The following GTF2E2 variants were observed in gnomAD, a reference collection of about 807,000 sequenced individuals.
GTF2E2 encodes general transcription factor IIE subunit 2, also known as transcription initiation factor IIE subunit beta.
Under a neutral mutation model 40.5 loss-of-function variants are expected in GTF2E2, and 21 were observed. The observed-to-expected ratio is 0.52, with a 90% confidence interval of 0.37 to 0.75. GTF2E2 has a LOEUF of 0.75. Among genes scored for constraint, GTF2E2 ranks in the 30% least tolerant of loss-of-function variants. The pLI is 0.00. For missense variants in GTF2E2, 298 were observed against 338.4 expected (o/e 0.88, Z 0.94); for synonymous variants, 117 against 121.6 (o/e 0.96, Z 0.25).
chr8:30,646,780 G>A (rs1802092489), intron 2 of GTF2E2, among the ~76,000 whole-genome samples: 1 of 152,104 alleles, frequency 6.6e-6, no homozygotes, highest in South Asian at 2.1e-4. Context: ...AGGAGCTCAA[G>A]ACGAGCCTGG....
chr8:30,643,230 TCACCATTGGGAGATATATATTGAA>T (rs1474627592), intron 2 of GTF2E2, among the ~76,000 whole-genome samples: 1 of 152,210 alleles, frequency 6.6e-6, no homozygotes, highest in African/African-American at 2.4e-5. Flanking sequence ...AATAGAGTCC[TCACCATTGGGAGATATATATTGAA>T]ATATTTCTAG....
At chr8:30,584,095 C>T (rs1238734813) in intron 6 of GTF2E2, among the ~76,000 whole-genome samples, 2 of 152,112 alleles carry the variant, frequency 1.3e-5, no homozygotes, top group Non-Finnish European at 2.9e-5. Context: ...CGTGAGCCAC[C>T]GTGCCCAGCC....
In GTF2E2 at chr8:30,619,358, T is replaced by C. The variant is rs894722322; in HGVS notation, c.259-4643A>G. Among the ~76,000 whole-genome samples the C allele has an allele frequency of 1.2e-4, 19 of 152,058 alleles. No individual in the cohort carries two copies. In the East Asian group the frequency reaches 3.5e-3, roughly 28 times the overall value. ...AAAATTGTCAGTAATTTAAAAATTATAATCCATTTTGATATATTTTGCATA... is the reference window on the plus strand; with the variant it reads ...AAAATTGTCAGTAATTTAAAAATTACAATCCATTTTGATATATTTTGCATA... On this transcript the variant is annotated intron_variant, in intron 3 of 7. Coordinates refer to ENST00000355904, the MANE Select transcript of GTF2E2 (RefSeq NM_002095.6).
At chr8:30,634,896 A>G in intron 3 of GTF2E2, 136 bp downstream of exon 3, 1 of 594,858 alleles carries the variant, frequency 1.7e-6, no homozygotes, top group Non-Finnish European at 3.0e-6. Context: ...ATTGGCATAC[A>G]ATAAACTGCA....
At chr8:30,588,356 A>G (rs1386196311) in intron 6 of GTF2E2, among the ~76,000 whole-genome samples, 1 of 152,222 alleles carries the variant, frequency 6.6e-6, no homozygotes, top group Non-Finnish European at 1.5e-5. Context: ...TAACAAAAAT[A>G]TAATATATAT....
chr8:30,581,233 C>G (rs1828507890), intron 6 of GTF2E2, among the ~76,000 whole-genome samples: 1 of 152,216 alleles, frequency 6.6e-6, no homozygotes, highest in Admixed American at 6.5e-5. Context: ...GAGCCTCACA[C>G]TCACAACTGC....
At chr8:30,646,883 G>A (rs2128728783) in intron 2 of GTF2E2, among the ~76,000 whole-genome samples, 1 of 148,094 alleles carries the variant, frequency 6.8e-6, no homozygotes, top group Middle Eastern at 3.6e-3. Context: ...GGGAGGCTGA[G>A]GCAGGAGAAC....
intron 6 of GTF2E2, among the ~76,000 whole-genome samples, chr8:30,591,445 C>T (rs1033718389): frequency 6.6e-6 from 1 of 152,078 alleles, no homozygotes; most frequent in African/African-American, 2.4e-5. Context: ...GATAGCATCA[C>T]TGCACTCAAG....
At chr8:30,626,991 G>A (rs760260274) in intron 3 of GTF2E2, among the ~76,000 whole-genome samples, 6 of 152,156 alleles carry the variant, frequency 3.9e-5, no homozygotes, top group East Asian at 1.9e-4. Flanking sequence ...CATAAAGCAC[G>A]TTATTAGTAG....
intron 6 of GTF2E2, among the ~76,000 whole-genome samples, chr8:30,606,645 T>A (rs1012926729): frequency 1.4e-4 from 21 of 152,308 alleles, no homozygotes; most frequent in African/African-American, 5.1e-4. Flanking sequence ...TCTCCTTCCT[T>A]ATTCAATTTG....
intron 5 of GTF2E2, among the ~76,000 whole-genome samples, chr8:30,611,719 G>C (rs1430237358): frequency 6.6e-6 from 1 of 152,148 alleles, no homozygotes; most frequent in Non-Finnish European, 1.5e-5. Flanking sequence ...AAGAAGAAGA[G>C]ACAAAGGGGC....
intron 6 of GTF2E2, among the ~76,000 whole-genome samples, chr8:30,595,417 T>C (rs1268649052): frequency 2.0e-5 from 3 of 152,268 alleles, no homozygotes; most frequent in Admixed American, 2.0e-4. Flanking sequence ...TCCAAATGTC[T>C]AATGTCATAC....
At chr8:30,589,564 A>ATT (rs1828780142) in intron 6 of GTF2E2, among the ~76,000 whole-genome samples, 1 of 152,232 alleles carries the variant, frequency 6.6e-6, no homozygotes, top group African/African-American at 2.4e-5. Context: ...CTGTCTTAAA[A>ATT]ATAAAAAATA....
intron 3 of GTF2E2, among the ~76,000 whole-genome samples, chr8:30,624,448 T>C (rs1801208669): frequency 6.6e-6 from 1 of 152,290 alleles, no homozygotes; most frequent in East Asian, 1.9e-4. Flanking sequence ...GGTAGCATGA[T>C]GCCTCCAGCT....
At chr8:30,584,084 G>A (rs1276579888) in intron 6 of GTF2E2, among the ~76,000 whole-genome samples, 4 of 152,056 alleles carry the variant, frequency 2.6e-5, no homozygotes, top group African/African-American at 9.7e-5. Context: ...GGGATTACAG[G>A]CGTGAGCCAC....
chr8:30,601,083 C>T (rs1023134182), intron 6 of GTF2E2, among the ~76,000 whole-genome samples: 6 of 152,194 alleles, frequency 3.9e-5, no homozygotes, highest in East Asian at 1.9e-4. Context: ...TACTGATTTA[C>T]GTAATACTGG....
intron 6 of GTF2E2, among the ~76,000 whole-genome samples, chr8:30,592,302 C>G (rs1828872033): frequency 6.6e-6 from 1 of 152,136 alleles, no homozygotes; most frequent in Admixed American, 6.5e-5. Context: ...TCGCCTGTGC[C>G]CAGGGAGGTC....
chr8:30,578,975 G>A lies in GTF2E2; in HGVS notation c.822C>T (p.Asn274=), dbSNP rs764239625. 24 of 1,610,800 alleles carry A rather than the reference G, an allele frequency of 1.5e-5. No homozygotes were observed. The East Asian group carries it at 2.2e-4, about 15-fold the overall frequency. ...CCTTCAGCACTCCAGCCAAGTGTTCGTTATGAGTCTTAAAGCGTCGCTTTT... is the reference window on the plus strand; with the variant it reads ...CCTTCAGCACTCCAGCCAAGTGTTCATTATGAGTCTTAAAGCGTCGCTTTT... ...SQKKRRFKTH[N]EHLAGVLKDY... is the part of the protein sequence containing the mutation. The change falls in exon 8 of 8, where the codon AAC becomes AAT. Residue 274 remains asparagine (N), a synonymous_variant. Transcript: ENST00000355904.
intron 5 of GTF2E2, among the ~76,000 whole-genome samples, chr8:30,609,194 A>G (rs1829409012): frequency 6.6e-6 from 1 of 151,418 alleles, no homozygotes; most frequent in Non-Finnish European, 1.5e-5. Context: ...TAAACCAAGG[A>G]GACAGAGGTT....
Sources: allele counts gnomAD v4.1 joint callset (sites outside exome capture counted in the v4.1 genomes callset), GRCh38; gene constraint gnomAD v4.1.1; transcripts MANE v1.5; gene names NCBI Gene and HGNC (gene_info 2026-07-23, HGNC 2026-07-21).